The following NYAP2 variants were observed in gnomAD, a reference collection of about 807,000 sequenced individuals.
The protein encoded by NYAP2 is neuronal tyrosine-phosphorylated phosphoinositide-3-kinase adapter 2.
In NYAP2, 23 loss-of-function variants were observed where a neutral mutation model predicts 50.4. That is an observed-to-expected ratio of 0.46 (90% CI 0.33 to 0.65). The LOEUF (loss-of-function observed/expected upper bound fraction) is 0.65, where lower values mean the gene tolerates loss of function less well. Among genes scored for constraint, NYAP2 ranks in the 30% least tolerant of loss-of-function variants. NYAP2 has a pLI of 0.02. For synonymous variants in NYAP2, 394 were observed against 365.2 expected (o/e 1.08, Z -0.90); for missense variants, 885 against 861.0 (o/e 1.03, Z -0.35).
intron 4 of NYAP2, among the ~76,000 whole-genome samples, chr2:225,549,161 G>T (rs980567483): frequency 6.6e-6 from 1 of 152,116 alleles, no homozygotes; most frequent in Admixed American, 6.5e-5. Context: ...GATTACAGGT[G>T]TGAGCCACCA....
At chr2:225,549,512 C>T (rs1691636876) in intron 4 of NYAP2, among the ~76,000 whole-genome samples, 1 of 152,108 alleles carries the variant, frequency 6.6e-6, no homozygotes. Flanking sequence ...GTGTAAAGTA[C>T]TGGGTTTCAG....
intron 5 of NYAP2, among the ~76,000 whole-genome samples, chr2:225,594,447 C>G (rs1692561827): frequency 1.3e-5 from 2 of 151,956 alleles, no homozygotes; most frequent in African/African-American, 4.8e-5. Context: ...TCACTTAAAC[C>G]CGGGGGCAGA....
chr2:225,511,436 G>A (rs191470891), intron 3 of NYAP2, among the ~76,000 whole-genome samples: 107 of 150,388 alleles, frequency 7.1e-4, no homozygotes, highest in Non-Finnish European at 1.4e-3. Context: ...GGATACTTTC[G>A]GCTATGATGT....
At position 225,582,032 on chromosome 2, in the gene NYAP2, A is replaced by G. The variant is rs2106229203; in HGVS notation, c.615A>G (p.Thr205=). Residue 205 remains threonine (T), a synonymous_variant, in exon 5 of 7, where the codon ACA becomes ACG. Coordinates refer to ENST00000636099, the Ensembl canonical transcript of NYAP2. This position sits in a 1 kb window ranked among gnomAD's most constrained non-coding sequence, Gnocchi z 7.0. Reference sequence around the variant, plus strand: ...GAAATCCGAACACTCAGCTGAGCACATCTTTCGATGAAACGTACATCAAAA... The same window carrying G: ...GAAATCCGAACACTCAGCTGAGCACGTCTTTCGATGAAACGTACATCAAAA... The G allele has an allele frequency of 1.2e-6, 2 of 1,614,044 alleles. No homozygotes were observed. Among genetic ancestry groups the G allele is most frequent in the East Asian group, 4.5e-5 (2 of 44,870 alleles).
chr2:225,512,823 C>T (rs58678292), intron 3 of NYAP2, among the ~76,000 whole-genome samples: 602 of 47,320 alleles, frequency 0.013, 34 homozygotes, highest in African/African-American at 0.065. Flanking sequence ...CTTTCTTTCT[C>T]TCTCTCTCTC....
At chr2:225,412,109 C>T (rs924123392) in intron 3 of NYAP2, among the ~76,000 whole-genome samples, 6 of 150,716 alleles carry the variant, frequency 4.0e-5, no homozygotes, top group African/African-American at 1.5e-4. Flanking sequence ...CAGGCATGCA[C>T]CACCATGCCC....
At chr2:225,668,433 G>A in the NYAP2 span, among the ~76,000 whole-genome samples, 1 of 152,134 alleles carries the variant, frequency 6.6e-6, no homozygotes, top group Non-Finnish European at 1.5e-5. Context: ...CTGAGGCCAT[G>A]GGGGCTGCCT....
intron 5 of NYAP2, among the ~76,000 whole-genome samples, chr2:225,593,179 A>G (rs1692539482): frequency 1.3e-5 from 2 of 152,178 alleles, no homozygotes; most frequent in Admixed American, 6.5e-5. Context: ...CCCACATTCT[A>G]ATTAAATATG....
intron 3 of NYAP2, among the ~76,000 whole-genome samples, chr2:225,463,767 G>A (rs374939523): frequency 6.6e-6 from 1 of 152,200 alleles, no homozygotes; most frequent in African/African-American, 2.4e-5. Context: ...AAGCACTGGG[G>A]TGATGAAGAG....
In NYAP2 at chr2:225,582,643, C is replaced by G. The variant is rs367790714; in HGVS notation, c.1226C>G (p.Ala409Gly). 4 of 1,596,464 alleles carry G rather than the reference C, an allele frequency of 2.5e-6. No homozygotes were observed. In the Admixed American group the frequency reaches 6.9e-5, roughly 28 times the overall value. ...CTGGGACCTGCCTCTGCCACCCCTG[C>G]GCTCTCCTCGTCGCCCCCACCCCCG... The change falls in exon 5 of 7, where the codon GCG becomes GGG. Residue 409 changes from alanine (A) to glycine (G), a missense_variant. Physicochemically the swap from Ala to Gly is moderately conservative, Grantham distance 60. Transcript: ENST00000636099. The surrounding 1 kb of genome is among the most constrained non-coding windows in gnomAD (Gnocchi z 7.0).
At chr2:225,439,529 A>T (rs1218705794) in intron 3 of NYAP2, among the ~76,000 whole-genome samples, 3 of 152,172 alleles carry the variant, frequency 2.0e-5, no homozygotes, top group African/African-American at 7.2e-5. Flanking sequence ...AGTTAAATAG[A>T]AGCAAATGTT....
chr2:225,690,982 T>C, the NYAP2 span, among the ~76,000 whole-genome samples: 1 of 152,000 alleles, frequency 6.6e-6, no homozygotes, highest in African/African-American at 2.4e-5. Context: ...AGTGTGATGT[T>C]AGGGTAACAG....
chr2:225,595,509 T>C (rs747412903), intron 5 of NYAP2, among the ~76,000 whole-genome samples: 3 of 152,246 alleles, frequency 2.0e-5, no homozygotes, highest in Non-Finnish European at 4.4e-5. Context: ...CATTAGTTAT[T>C]AACCACTTAC....
At chr2:225,546,819 C>G (rs1691593445) in intron 4 of NYAP2, among the ~76,000 whole-genome samples, 1 of 152,176 alleles carries the variant, frequency 6.6e-6, no homozygotes, top group Admixed American at 6.5e-5. Flanking sequence ...GACAACATAT[C>G]TCAAAGTATC....
At chr2:225,566,532 G>A (rs1056559029) in intron 4 of NYAP2, among the ~76,000 whole-genome samples, 2 of 152,206 alleles carry the variant, frequency 1.3e-5, no homozygotes, top group African/African-American at 2.4e-5. Context: ...ATCCCCCTGG[G>A]TTGAATCCAA....
At chr2:225,407,437 A>G (rs966128066) in intron 2 of NYAP2, among the ~76,000 whole-genome samples, 2 of 152,026 alleles carry the variant, frequency 1.3e-5, no homozygotes, top group Non-Finnish European at 1.5e-5. Flanking sequence ...TCCAGTTTCA[A>G]TAATTTCTTA....
chr2:225,642,726 C>T (rs984102348), intron 6 of NYAP2, among the ~76,000 whole-genome samples: 3 of 152,076 alleles, frequency 2.0e-5, no homozygotes, highest in Admixed American at 6.5e-5. Flanking sequence ...GCTCTTACTA[C>T]AGAACCATAA....
intron 3 of NYAP2, among the ~76,000 whole-genome samples, chr2:225,446,275 T>TGTGG (rs1689563258): frequency 7.2e-6 from 1 of 138,516 alleles, no homozygotes; most frequent in South Asian, 2.3e-4. Flanking sequence ...TATATATATA[T>TGTGG]ATATATGTGG....
intron 3 of NYAP2, among the ~76,000 whole-genome samples, chr2:225,426,641 C>G (rs1024829088): frequency 2.6e-5 from 4 of 152,124 alleles, no homozygotes; most frequent in Non-Finnish European, 4.4e-5. Flanking sequence ...ATGCTTAAAG[C>G]CATAAATCCC....
Sources: gnomAD v4.1 joint callset for allele counts (sites outside exome capture counted in the v4.1 genomes callset) on GRCh38, gnomAD v4.1.1 for gene constraint, Gnocchi (gnomAD v3.1) non-coding constraint, MANE v1.5 for transcripts, NCBI Gene and HGNC (gene_info 2026-07-23, HGNC 2026-07-21) for gene names.